The following PHACTR1 variants were observed in gnomAD, a reference collection of about 807,000 sequenced individuals.
PHACTR1 encodes phosphatase and actin regulator 1, also known as RPEL repeat containing 1.
In PHACTR1, 16 loss-of-function variants were observed where a neutral mutation model predicts 69.2. The ratio of observed to expected loss-of-function variants is 0.23; its 90% CI spans 0.16 to 0.35. The LOEUF is 0.35. Among genes scored for constraint, PHACTR1 ranks in the 10% least tolerant of loss-of-function variants. PHACTR1 has a pLI of 1.00. For synonymous variants in PHACTR1, 312 were observed against 284.5 expected (o/e 1.10, Z -0.97); for missense variants, 510 against 734.7 (o/e 0.69, Z 3.54).
chr6:12,742,679 C>G (rs1470621575), intron 3 of PHACTR1, among the ~76,000 whole-genome samples: 1 of 152,082 alleles, frequency 6.6e-6, no homozygotes, highest in Admixed American at 6.6e-5. Flanking sequence ...CAAGAGAACC[C>G]TTAATCCTAA....
At chr6:12,910,925 A>G (rs973729663) in intron 4 of PHACTR1, among the ~76,000 whole-genome samples, 1 of 152,154 alleles carries the variant, frequency 6.6e-6, no homozygotes, top group African/African-American at 2.4e-5. Context: ...GCATGGTGTC[A>G]TGTGGCAGGC....
intron 5 of PHACTR1, among the ~76,000 whole-genome samples, chr6:13,143,592 T>A (rs1042171252): frequency 1.2e-4 from 18 of 152,216 alleles, no homozygotes; most frequent in Non-Finnish European, 2.4e-4. Flanking sequence ...TGTGGAAATT[T>A]GCATTTTAAA....
chr6:12,941,293 A>C (rs986078678), intron 4 of PHACTR1, among the ~76,000 whole-genome samples: 9 of 152,078 alleles, frequency 5.9e-5, no homozygotes, highest in Non-Finnish European at 8.8e-5. Context: ...TTGATATTTA[A>C]CCTACATCAC....
chr6:13,068,193 T>C (rs941338163), intron 5 of PHACTR1, among the ~76,000 whole-genome samples: 3 of 152,152 alleles, frequency 2.0e-5, no homozygotes, highest in African/African-American at 7.2e-5. Flanking sequence ...GGCGTGCGCC[T>C]GTAGTCCCAC....
intron 4 of PHACTR1, among the ~76,000 whole-genome samples, chr6:12,951,773 TG>T (rs1311715603): frequency 6.6e-6 from 1 of 152,206 alleles, no homozygotes; most frequent in Admixed American, 6.5e-5. Flanking sequence ...GAAACCCCTT[TG>T]GTAATAGTTT....
At chr6:13,190,196 G>GTGTTTTTTTTTTTT (rs1220683843) in intron 7 of PHACTR1, among the ~76,000 whole-genome samples, 1 of 31,850 alleles carries the variant, frequency 3.1e-5, no homozygotes, top group Non-Finnish European at 7.7e-5. Flanking sequence ...GCTAATTTTT[G>GTGTTTTTTTTTTTT]TATTTTTTTT....
At chr6:12,816,977 A>AGACACAG (rs1775662670) in intron 4 of PHACTR1, among the ~76,000 whole-genome samples, 1 of 152,184 alleles carries the variant, frequency 6.6e-6, no homozygotes. Flanking sequence ...GAGAGGAAGA[A>AGACACAG]GACACAGGGT....
rs149197802 is a variant in PHACTR1, at chr6:13,229,152, A to G, written c.1235-885A>G. Reference sequence around the variant, plus strand: ...GTATCCAGAGAATTAAATGTTTTATACAGAGGTTTCTCAACCTCAGCACTC... The same window carrying G: ...GTATCCAGAGAATTAAATGTTTTATGCAGAGGTTTCTCAACCTCAGCACTC... On this transcript the variant is annotated intron_variant, in intron 9 of 14. Transcript: ENST00000332995. Among the ~76,000 whole-genome samples the G allele has an allele frequency of 9.2e-3, 1,408 of 152,286 alleles. 19 individuals carry two copies. Among genetic ancestry groups the G allele is most frequent in the African/African-American group, 0.029 (1,220 of 41,550 alleles).
At chr6:12,961,731 G>A (rs1035220785) in intron 4 of PHACTR1, among the ~76,000 whole-genome samples, 2 of 152,174 alleles carry the variant, frequency 1.3e-5, no homozygotes, top group South Asian at 4.1e-4. Flanking sequence ...AAATACTACT[G>A]GGTAGCTTAA....
intron 4 of PHACTR1, among the ~76,000 whole-genome samples, chr6:12,755,397 C>G (rs1208508458): frequency 6.6e-6 from 1 of 152,132 alleles, no homozygotes. Context: ...AAGTCCCATT[C>G]AATCTAAAAA....
chr6:12,811,876 C>T (rs890337637), intron 4 of PHACTR1, among the ~76,000 whole-genome samples: 3 of 152,030 alleles, frequency 2.0e-5, no homozygotes, highest in South Asian at 2.1e-4. Flanking sequence ...GGGCTCAGCT[C>T]GTGGTAAGAT....
intron 10 of PHACTR1, among the ~76,000 whole-genome samples, chr6:13,242,442 TAA>T (rs1338306647): frequency 7.2e-5 from 11 of 152,336 alleles, no homozygotes; most frequent in African/African-American, 2.6e-4. Context: ...GTCACAGCTA[TAA>T]GAGACTTGAT....
chr6:13,222,670 C>T (rs923676277), intron 8 of PHACTR1, among the ~76,000 whole-genome samples: 12 of 152,352 alleles, frequency 7.9e-5, no homozygotes, highest in South Asian at 4.1e-4. Context: ...CCAGTGGCTC[C>T]TAATCTGGGA....
At chr6:13,145,934 T>C (rs917426588) in intron 5 of PHACTR1, among the ~76,000 whole-genome samples, 1 of 152,238 alleles carries the variant, frequency 6.6e-6, no homozygotes, top group East Asian at 1.9e-4. Flanking sequence ...ATTGTATCTT[T>C]AGTTCTTCTG....
intron 4 of PHACTR1, among the ~76,000 whole-genome samples, chr6:12,831,274 G>A (rs977798058): frequency 1.3e-5 from 2 of 152,098 alleles, no homozygotes; most frequent in South Asian, 4.1e-4. Flanking sequence ...GAACACTGGG[G>A]TCTATAGTCT....
rs869096915 is a variant in PHACTR1, at chr6:12,777,625, C to CTTTTTTTTTTTT, written c.250+27848_250+27859dup. ...TGTATATATACCACCCTTTCTTCTT[C>CTTTTTTTTTTTT]TTTTTTTTTTTTTTTTTTTTTTTTG... On this transcript the variant is annotated intron_variant, in intron 4 of 14. Coordinates refer to ENST00000332995, the MANE Select transcript of PHACTR1 (RefSeq NM_030948.6). 1.7e-3 allele frequency among the ~76,000 whole-genome samples: 173 copies of CTTTTTTTTTTTT among 98,996 alleles called. 2 individuals carry two copies. Among genetic ancestry groups the CTTTTTTTTTTTT allele is most frequent in the East Asian group, 3.8e-3 (10 of 2,630 alleles). The allele number at this position is 98,996 out of a possible 152,430, so 64.9% of individuals were successfully genotyped here.
chr6:13,243,674 A>T (rs755668728), intron 10 of PHACTR1, among the ~76,000 whole-genome samples: 24 of 152,156 alleles, frequency 1.6e-4, no homozygotes, highest in Admixed American at 7.9e-4. Context: ...TGGTTTACAA[A>T]TTATTTTGTC....
Position 13,215,994 on chromosome 6 carries a change from T to TA in PHACTR1, c.986+9858_986+9859insA, listed in dbSNP as rs35737958. On this transcript the variant is annotated intron_variant, in intron 8 of 14. Transcript: ENST00000332995. ...GCAATCTTTCCTTTAAAATTATAAC[T>TA]GATAAGTTTATACGAATAGTTTATT... Among the ~76,000 whole-genome samples the TA allele has an allele frequency of 1.9e-4, 5 of 26,682 alleles. No individual in the cohort carries two copies. In the East Asian group the frequency reaches 2.0e-3, roughly 10 times the overall value. 17.5% of individuals were successfully genotyped at this position (26,682 alleles called of 152,430 possible). A position where few individuals can be genotyped will look rare whatever the true frequency, so the allele number is the denominator to read the frequency against.
intron 5 of PHACTR1, among the ~76,000 whole-genome samples, chr6:13,073,497 C>T (rs1561791043): frequency 1.3e-5 from 2 of 151,828 alleles, no homozygotes; most frequent in African/African-American, 2.4e-5. Context: ...GTGCATGCCA[C>T]CACGCCTGGC....
Sources: allele counts gnomAD v4.1 joint callset (sites outside exome capture counted in the v4.1 genomes callset), GRCh38; gene constraint gnomAD v4.1.1; transcripts MANE v1.5; gene names NCBI Gene and HGNC (gene_info 2026-07-23, HGNC 2026-07-21).